Variants in NGDN observed in about 807,000 individuals in gnomAD.
NGDN encodes neuroguidin.
Under a neutral mutation model 45.2 loss-of-function variants are expected in NGDN, and 41 were observed. The observed-to-expected ratio is 0.91, with a 90% CI of 0.71 to 1.18. The LOEUF (loss-of-function observed/expected upper bound fraction) is 1.18. Among genes scored for constraint, NGDN ranks in the 50% most tolerant of loss-of-function variants. NGDN has a pLI of 0.00. For synonymous variants in NGDN, 137 were observed against 130.9 expected (o/e 1.05, Z -0.32); for missense variants, 402 against 399.9 (o/e 1.01, Z -0.05).
At chr14:23,472,292 T>C (rs779811082) in intron 3 of NGDN, among the ~76,000 whole-genome samples, 5 of 151,416 alleles carry the variant, frequency 3.3e-5, no homozygotes, top group East Asian at 1.9e-4. Context: ...GGTCAGGAGT[T>C]CGAGACCAGC....
chr14:23,475,859 G>A (rs1293062068), intron 6 of NGDN, 81 bp downstream of exon 6: 1 of 1,490,322 alleles, frequency 6.7e-7, no homozygotes, highest in African/African-American at 1.4e-5. Context: ...TGGATACCCT[G>A]GGATTCTCTT....
chr14:23,470,275 G>A (rs1304596953), intron 2 of NGDN, 174 bp downstream of exon 2: 1 of 584,312 alleles, frequency 1.7e-6, no homozygotes, highest in Non-Finnish European at 3.1e-6. Flanking sequence ...CTGCACCCAA[G>A]GGAATACAAG....
intron 3 of NGDN, chr14:23,471,309 A>G (rs1026719498): frequency 1.1e-4 from 26 of 236,042 alleles, no homozygotes; most frequent in Admixed American, 4.0e-4. Context: ...AACATGTGCA[A>G]AGGCACAAAG....
intron 4 of NGDN, 78 bp downstream of exon 4, chr14:23,475,386 T>A: frequency 1.4e-6 from 2 of 1,434,632 alleles, no homozygotes; most frequent in East Asian, 2.3e-5. Flanking sequence ...AGCTCTCATT[T>A]AAGTGAGTCT....
chr14:23,474,304 A>G (rs1325232076), intron 3 of NGDN, among the ~76,000 whole-genome samples: 1 of 152,162 alleles, frequency 6.6e-6, no homozygotes, highest in African/African-American at 2.4e-5. Context: ...AACCTCTCTG[A>G]AATAGGTTTT....
chr14:23,473,055 A>G (rs1893820106), intron 3 of NGDN, among the ~76,000 whole-genome samples: 1 of 152,094 alleles, frequency 6.6e-6, no homozygotes, highest in East Asian at 1.9e-4. Flanking sequence ...GCTGGAGTGC[A>G]GTGGCACGAT....
rs189352321 is a variant in NGDN, at chr14:23,475,428, G to C, written c.282+120G>C. On this transcript the variant is annotated intron_variant, in intron 4 of 10. Transcript: ENST00000408901. ...GTTTAAGGAAACCAAATGAGAAAAG[G>C]TATTTTTCTATTCATTTGCTCTACT... is the stretch of plus-strand genomic sequence containing the variant. 73 of 1,352,906 alleles carry C rather than the reference G, an allele frequency of 5.4e-5. No homozygotes were observed. The African/African-American group carries it at 9.4e-4, about 17-fold the overall frequency. 83.8% of individuals were successfully genotyped at this position (1,352,906 alleles called of 1,614,324 possible). A position where few individuals can be genotyped will look rare whatever the true frequency, so the allele number is the denominator to read the frequency against.
downstream of NGDN, chr14:23,478,584 C>G (rs1893957386): frequency 6.5e-6 from 1 of 152,868 alleles, no homozygotes; most frequent in South Asian, 2.0e-4. Context: ...CTCCACTTCT[C>G]TGAATGTTTT....
downstream of NGDN, chr14:23,478,423 A>G (rs1479272588): frequency 1.1e-5 from 2 of 185,498 alleles, no homozygotes; most frequent in East Asian, 1.4e-4. Flanking sequence ...GTTATAATAC[A>G]ATACAGATTG....
At chr14:23,478,181 C>T, downstream of NGDN, 1 of 726,420 alleles carries the variant, frequency 1.4e-6, no homozygotes, top group Non-Finnish European at 2.3e-6. Flanking sequence ...GAATTAAAGC[C>T]CCTTTTTGCA....
intron 3 of NGDN, among the ~76,000 whole-genome samples, chr14:23,474,051 A>C (rs1893843960): frequency 1.3e-5 from 2 of 152,024 alleles, no homozygotes; most frequent in South Asian, 4.1e-4. Flanking sequence ...AAAAAAAAAA[A>C]AAAAAAGACT....
chr14:23,477,528 A>G lies in NGDN; in HGVS notation c.896A>G (p.Lys299Arg). 5.0e-6 allele frequency: 8 copies of G among 1,614,218 alleles called. No individual in the cohort carries two copies. The highest frequency in any genetic ancestry group is 1.3e-5 in the African/African-American group (1 of 75,052). ...GATCAGAATCCTATTAAGAAGCGGA[A>G]GAAGATACCTCAGAAAGGTCGGAAG... ...DEDQNPIKKR[K>R]KIPQKGRKKK... Residue 299 changes from lysine to arginine, a missense_variant, in exon 10 of 11, where the codon AAG becomes AGG. Transcript: ENST00000408901.
At chr14:23,472,502 AAAAAC>A (rs1339401272) in intron 3 of NGDN, among the ~76,000 whole-genome samples, 3 of 152,178 alleles carry the variant, frequency 2.0e-5, no homozygotes, top group Non-Finnish European at 2.9e-5. Context: ...TCCATCTGAA[AAAAAC>A]AAAACAACAA....
rs1893947126 is a variant in NGDN, at chr14:23,478,097, T to G, written c.*71T>G. On this transcript the variant is annotated 3_prime_UTR_variant, in exon 11 of 11. Transcript: ENST00000408901. ...TCTAATTTCATTGTATATAGGTGGT[T>G]TTCCCTGGAATTCATTAATTGTTTG... 6 of 1,438,088 alleles carry G rather than the reference T, an allele frequency of 4.2e-6. No individual in the cohort carries two copies. In the Admixed American group the frequency reaches 5.1e-5, roughly 12 times the overall value. 89.1% of individuals were successfully genotyped at this position (1,438,088 alleles called of 1,614,324 possible).
Position 23,477,496 on chromosome 14 carries a change from TC to T in NGDN, c.871-6del. ...TGCCATTCCATCACTTCTCCATCTG[TC>T]TCCAGGATCAGAATCCTATTAAGAA... On this transcript the variant is annotated splice_region_variant and splice_polypyrimidine_tract_variant and intron_variant, in intron 9 of 10. Coordinates refer to ENST00000408901, the MANE Select transcript of NGDN (RefSeq NM_001042635.2). The T allele has an allele frequency of 6.2e-7, 1 of 1,614,094 alleles. No individual in the cohort carries two copies. Among genetic ancestry groups the T allele is most frequent in the Non-Finnish European group, 8.5e-7 (1 of 1,180,008 alleles).
chr14:23,469,986 T>C, intron 1 of NGDN, 56 bp from the exon 2 acceptor site: 2 of 1,587,630 alleles, frequency 1.3e-6, no homozygotes, highest in Non-Finnish European at 1.7e-6. Flanking sequence ...CGTTCCACTT[T>C]CCTATAATCC....
intron 6 of NGDN, 105 bp from the exon 7 acceptor site, chr14:23,475,924 T>G: frequency 1.3e-6 from 2 of 1,507,812 alleles, no homozygotes; most frequent in Non-Finnish European, 1.8e-6. Context: ...ATTCCCTTTT[T>G]TCCCTTTTTA....
In NGDN at chr14:23,470,980, A is replaced by G. The variant is rs1893763933; in HGVS notation, c.144+3A>G. On this transcript the variant is annotated splice_donor_region_variant and intron_variant, in intron 3 of 10. Coordinates refer to ENST00000408901, the MANE Select transcript of NGDN (RefSeq NM_001042635.2). Reference sequence around the variant, plus strand: ...CTGGTGCCTATCCTACAGAAAAGGTAAGATGTACTCAAACAGTAAGCATCC... The same window carrying G: ...CTGGTGCCTATCCTACAGAAAAGGTGAGATGTACTCAAACAGTAAGCATCC... The G allele has an allele frequency of 4.6e-6, 7 of 1,531,702 alleles. No individual in the cohort carries two copies. The highest frequency in any genetic ancestry group is 6.1e-6 in the Non-Finnish European group (7 of 1,143,886). 94.9% of individuals were successfully genotyped at this position (1,531,702 alleles called of 1,614,324 possible).
chr14:23,475,575 TC>T lies in NGDN; in HGVS notation c.303del (p.Leu102TrpfsTer5). The T allele has an allele frequency of 6.2e-7, 1 of 1,614,072 alleles. No individual in the cohort carries two copies. Among genetic ancestry groups the T allele is most frequent in the Non-Finnish European group, 8.5e-7 (1 of 1,180,006 alleles). On this transcript the variant is annotated frameshift_variant, in exon 5 of 11. Transcript: ENST00000408901. LOFTEE classifies it high-confidence loss of function. ...EIRTVLEKLR[P>X]LDQKLKYQID... ...TGTTGTAGGTTTTGGAAAAGCTTCG[TC>T]CCTTGGACCAAAAGCTGAAGTATCA...
Sources: gnomAD v4.1 joint callset for allele counts (sites outside exome capture counted in the v4.1 genomes callset) on GRCh38, gnomAD v4.1.1 for gene constraint, MANE v1.5 for transcripts, NCBI Gene and HGNC (gene_info 2026-07-23, HGNC 2026-07-21) for gene names.